VWA3B: variants seen among roughly 807,000 people sequenced by gnomAD.
VWA3B encodes von Willebrand factor A domain-containing protein 3B.
Under a neutral mutation model 158.3 loss-of-function variants are expected in VWA3B, and 138 were observed. The observed-to-expected ratio is 0.87, with a 90% CI of 0.76 to 1.00. The LOEUF is 1.00. Among genes scored for constraint, VWA3B ranks in the 50% least tolerant of loss-of-function variants. The pLI is 0.00. For missense variants in VWA3B, 1,555 were observed against 1,565.1 expected (o/e 0.99, Z 0.11); for synonymous variants, 596 against 587.3 (o/e 1.01, Z -0.21).
At chr2:98,092,846 A>G (rs903878193) in intron 1 of VWA3B, among the ~76,000 whole-genome samples, 1 of 132,022 alleles carries the variant, frequency 7.6e-6, no homozygotes, top group African/African-American at 3.0e-5. Flanking sequence ...ATATATATAT[A>G]TATATATATA....
chr2:98,229,477 G>C (rs551441393), intron 15 of VWA3B, among the ~76,000 whole-genome samples: 9 of 152,344 alleles, frequency 5.9e-5, no homozygotes, highest in Non-Finnish European at 1.2e-4. Flanking sequence ...TGTCTTCAGC[G>C]CTTCAGAGAA....
At chr2:98,297,687 A>AT (rs1242218168) in intron 23 of VWA3B, among the ~76,000 whole-genome samples, 1 of 152,098 alleles carries the variant, frequency 6.6e-6, no homozygotes, top group Non-Finnish European at 1.5e-5. Flanking sequence ...ACTGGTTCTC[A>AT]TCTCAGCGGG....
At position 98,121,432 on chromosome 2, in the gene VWA3B, C is replaced by A. The variant is rs770394752; in HGVS notation, c.676C>A (p.Leu226Met). 6.2e-7 allele frequency: 1 copy of A among 1,614,000 alleles called. No individual in the cohort carries two copies. The highest frequency in any genetic ancestry group is 2.2e-5 in the East Asian group (1 of 44,896). ...GAGCGAGGCTGGCCGCCTGGATGCT[C>A]TGCTGGAAGCCGGGAGAGACAAGAC... is the stretch of plus-strand genomic sequence containing the variant. ...TVSEAGRLDA[L>M]LEAGRDKTIE... The change falls in exon 5 of 28, where the codon CTG becomes ATG. Residue 226 changes from leucine to methionine, a missense_variant. Coordinates refer to ENST00000477737, the MANE Select transcript of VWA3B (RefSeq NM_144992.5).
intron 19 of VWA3B, among the ~76,000 whole-genome samples, chr2:98,242,657 C>G (rs776959579): frequency 2.7e-5 from 4 of 149,630 alleles, no homozygotes; most frequent in Non-Finnish European, 5.9e-5. Flanking sequence ...ATTGGTGCTC[C>G]AGCTCTGTCA....
rs1221016432 is a variant in VWA3B at position 98,286,096 on chromosome 2, A to T, written c.3046-4415A>T. On this transcript the variant is annotated intron_variant, in intron 22 of 27. Coordinates refer to ENST00000477737, the MANE Select transcript of VWA3B (RefSeq NM_144992.5). ...GTGCTCATTGCTAATACATAGAAATACAGTTGATTTTTTCAGTACACTTAT... is the reference window on the plus strand; with the variant it reads ...GTGCTCATTGCTAATACATAGAAATTCAGTTGATTTTTTCAGTACACTTAT... Among the ~76,000 whole-genome samples, 3 of 151,682 alleles carry T rather than the reference A, an allele frequency of 2.0e-5. No individual in the cohort carries two copies. In the South Asian group the frequency reaches 6.2e-4, roughly 32 times the overall value.
At chr2:98,142,461 C>T (rs1030434915) in intron 7 of VWA3B, among the ~76,000 whole-genome samples, 1 of 152,204 alleles carries the variant, frequency 6.6e-6, no homozygotes, top group African/African-American at 2.4e-5. Flanking sequence ...CGTAATACCT[C>T]TCCTAGGGGT....
Position 98,298,018 on chromosome 2 carries a change from G to A in VWA3B, c.3269G>A (p.Cys1090Tyr). ...FITPVGGAMP[C>Y]PLLQVGDYVF... ...ACGCCTGTGGGGGGCGCCATGCCCT[G>A]CCCGCTGCTCCAGGTACCCAGTCCC... The change falls in exon 24 of 28, where the codon TGC (cysteine) becomes TAC (tyrosine). Residue 1090 changes from cysteine (C) to tyrosine (Y), a missense_variant. By Grantham distance (194) the Cys-to-Tyr change is radical. Transcript: ENST00000477737. The A allele has an allele frequency of 1.3e-6, 2 of 1,564,760 alleles. No homozygotes were observed. Among genetic ancestry groups the A allele is most frequent in the African/African-American group, 2.8e-5 (2 of 72,556 alleles).
At chr2:98,171,966 G>A (rs1679625304) in intron 8 of VWA3B, among the ~76,000 whole-genome samples, 1 of 152,248 alleles carries the variant, frequency 6.6e-6, no homozygotes, top group Non-Finnish European at 1.5e-5. Context: ...GGAGCATACA[G>A]ATGGGCAGGC....
intron 8 of VWA3B, among the ~76,000 whole-genome samples, chr2:98,177,767 GTC>G (rs1324690341): frequency 6.6e-6 from 1 of 152,104 alleles, no homozygotes; most frequent in African/African-American, 2.4e-5. Context: ...TCAGAAGTTA[GTC>G]TCTGACTCTT....
chr2:98,205,644 T>C (rs191908496), intron 12 of VWA3B, among the ~76,000 whole-genome samples: 1 of 152,296 alleles, frequency 6.6e-6, no homozygotes, highest in African/African-American at 2.4e-5. Context: ...TTTTATTTTA[T>C]TGTAAGTAAG....
intron 2 of VWA3B, among the ~76,000 whole-genome samples, chr2:98,094,022 T>C (rs1485721567): frequency 6.6e-6 from 1 of 152,236 alleles, no homozygotes; most frequent in Non-Finnish European, 1.5e-5. Flanking sequence ...TACTATGTTT[T>C]CTTTATCCAG....
At chr2:98,181,332 T>A in intron 9 of VWA3B, 120 bp downstream of exon 9, 1 of 1,100,130 alleles carries the variant, frequency 9.1e-7, no homozygotes, top group Non-Finnish European at 1.3e-6. Flanking sequence ...AGCTTGGGTT[T>A]CTGTGAAGAA....
At chr2:98,097,146 G>T (rs1166652511) in intron 2 of VWA3B, among the ~76,000 whole-genome samples, 2 of 151,738 alleles carry the variant, frequency 1.3e-5, no homozygotes, top group East Asian at 1.9e-4. Context: ...AGTGGCTTTT[G>T]GTTATATGGA....
chr2:98,170,531 A>T (rs1464728119), intron 8 of VWA3B, among the ~76,000 whole-genome samples: 1 of 152,140 alleles, frequency 6.6e-6, no homozygotes, highest in Non-Finnish European at 1.5e-5. Context: ...TATTTTCATT[A>T]GTATTGTATT....
At chr2:98,286,255 C>A (rs190969784) in intron 22 of VWA3B, among the ~76,000 whole-genome samples, 9 of 152,106 alleles carry the variant, frequency 5.9e-5, no homozygotes, top group Non-Finnish European at 1.0e-4. Context: ...CTGGAGACAC[C>A]TATTTATTTA....
At chr2:98,244,561 T>C (rs1686273383) in intron 19 of VWA3B, among the ~76,000 whole-genome samples, 1 of 152,206 alleles carries the variant, frequency 6.6e-6, no homozygotes, top group African/African-American at 2.4e-5. Flanking sequence ...TTATGTTTTA[T>C]AATACGATAA....
intron 19 of VWA3B, among the ~76,000 whole-genome samples, chr2:98,247,490 T>G (rs1460021808): frequency 6.6e-6 from 1 of 152,192 alleles, no homozygotes; most frequent in Non-Finnish European, 1.5e-5. Flanking sequence ...TAATTAAATT[T>G]TTTAACAGTT....
At chr2:98,214,469 A>C (rs1470046287) in intron 13 of VWA3B, among the ~76,000 whole-genome samples, 1 of 152,328 alleles carries the variant, frequency 6.6e-6, no homozygotes, top group South Asian at 2.1e-4. Flanking sequence ...GTAGAAAAGC[A>C]TAGGTAGAGA....
chr2:98,160,732 AG>A (rs1190821890), intron 7 of VWA3B, among the ~76,000 whole-genome samples: 1 of 152,194 alleles, frequency 6.6e-6, no homozygotes, highest in Non-Finnish European at 1.5e-5. Flanking sequence ...TGTGGGCTTA[AG>A]GTTCGCATTT....
Sources: gnomAD v4.1 joint callset for allele counts (sites outside exome capture counted in the v4.1 genomes callset) on GRCh38, gnomAD v4.1.1 for gene constraint, MANE v1.5 for transcripts, NCBI Gene and HGNC (gene_info 2026-07-23, HGNC 2026-07-21) for gene names.